The following TNPO1 variants were observed in gnomAD, a reference collection of about 807,000 sequenced individuals.
TNPO1 encodes the protein transportin 1.
TNPO1 carries 8 observed loss-of-function variants against 119.5 expected under a neutral mutation model. That is an observed-to-expected ratio of 0.07 (90% CI 0.04 to 0.12). The LOEUF (loss-of-function observed/expected upper bound fraction) is 0.12, where lower values mean the gene tolerates loss of function less well. TNPO1 is among the 10% of genes least tolerant of loss of function. The pLI is 1.00. For synonymous variants in TNPO1, 362 were observed against 363.0 expected, an observed-to-expected ratio of 1.00 and a Z score of 0.03; for missense variants, 576 against 1,089.8, an observed-to-expected ratio of 0.53 and a Z score of 6.64.
At chr5:72,819,544 C>G (rs1029366841) in intron 1 of TNPO1, among the ~76,000 whole-genome samples, 5 of 152,070 alleles carry the variant, frequency 3.3e-5, no homozygotes, top group African/African-American at 1.2e-4. Context: ...CTGGAATTTT[C>G]TGGAGTAGAT....
chr5:72,902,234 G>C (rs751254484), intron 22 of TNPO1, among the ~76,000 whole-genome samples: 3 of 152,072 alleles, frequency 2.0e-5, no homozygotes, highest in Admixed American at 6.5e-5. Context: ...TTTCCACTCC[G>C]AGAGGGGTGT....
At chr5:72,823,420 C>T (rs971588586) in intron 1 of TNPO1, among the ~76,000 whole-genome samples, 1 of 152,158 alleles carries the variant, frequency 6.6e-6, no homozygotes, top group Non-Finnish European at 1.5e-5. Context: ...CCACTCATTC[C>T]ACAGTGATAC....
chr5:72,891,220 A>C (rs1278621144), intron 14 of TNPO1, among the ~76,000 whole-genome samples: 1 of 151,974 alleles, frequency 6.6e-6, no homozygotes, highest in African/African-American at 2.4e-5. Context: ...TAATCCCAGC[A>C]CTTTGGGAGG....
At chr5:72,840,694 C>CT (rs921187114) in intron 1 of TNPO1, among the ~76,000 whole-genome samples, 2 of 151,954 alleles carry the variant, frequency 1.3e-5, no homozygotes, top group Admixed American at 1.3e-4. Context: ...ATACCACACT[C>CT]TTTTTTTTAA....
chr5:72,864,680 C>T (rs1746748284), intron 5 of TNPO1, among the ~76,000 whole-genome samples: 1 of 152,028 alleles, frequency 6.6e-6, no homozygotes, highest in African/African-American at 2.4e-5. Flanking sequence ...GCCATCTCGG[C>T]CCACTGCACC....
intron 2 of TNPO1, among the ~76,000 whole-genome samples, chr5:72,849,810 T>A (rs1745411897): frequency 6.6e-6 from 1 of 152,202 alleles, no homozygotes; most frequent in Non-Finnish European, 1.5e-5. Flanking sequence ...GTTGTCATAG[T>A]TCTAGGGATG....
intron 22 of TNPO1, among the ~76,000 whole-genome samples, chr5:72,901,928 T>C (rs1288727697): frequency 6.6e-6 from 1 of 151,942 alleles, no homozygotes; most frequent in African/African-American, 2.4e-5. Flanking sequence ...GATAAAAAAT[T>C]AGCCAGGCTT....
intron 13 of TNPO1, among the ~76,000 whole-genome samples, chr5:72,889,428 G>A (rs1350092211): frequency 6.6e-6 from 1 of 152,088 alleles, no homozygotes; most frequent in Non-Finnish European, 1.5e-5. Flanking sequence ...AAGGGAGGGA[G>A]GATATAGATT....
At chr5:72,825,483 C>T (rs1336385940) in intron 1 of TNPO1, among the ~76,000 whole-genome samples, 1 of 152,036 alleles carries the variant, frequency 6.6e-6, no homozygotes, top group Non-Finnish European at 1.5e-5. Flanking sequence ...GTCAGGAGAT[C>T]GAGACCATCC....
In TNPO1 at chr5:72,888,124, C is replaced by T. The variant is rs1748788925; in HGVS notation, c.1350C>T (p.His450=). ...MIPYLPELIP[H]LIQCLSDKKA... is the part of the protein sequence containing the mutation. ...CATACTTGCCTGAGCTTATTCCTCA[C>T]CTTATTCAGTGCCTCTCTGATAAAA... Residue 450 remains histidine, a synonymous_variant, in exon 13 of 25, where the codon CAC becomes CAT. Transcript: ENST00000337273. The T allele has an allele frequency of 1.2e-6, 2 of 1,614,166 alleles. No individual in the cohort carries two copies. Among genetic ancestry groups the T allele is most frequent in the East Asian group, 2.2e-5 (1 of 44,894 alleles).
intron 5 of TNPO1, among the ~76,000 whole-genome samples, chr5:72,862,172 A>ATATG (rs1172908781): frequency 6.6e-6 from 1 of 152,256 alleles, no homozygotes; most frequent in Non-Finnish European, 1.5e-5. Flanking sequence ...TCTTGGATGT[A>ATATG]TATGTATGTA....
chr5:72,906,264 C>CTTTTTT (rs11356390), intron 24 of TNPO1, among the ~76,000 whole-genome samples: 1 of 90,280 alleles, frequency 1.1e-5, no homozygotes, highest in Admixed American at 1.6e-4. Context: ...GTGCCCATCA[C>CTTTTTT]TTTTTTTTTT....
intron 1 of TNPO1, among the ~76,000 whole-genome samples, chr5:72,825,530 A>G (rs1744167010): frequency 1.3e-5 from 2 of 152,140 alleles, no homozygotes; most frequent in Non-Finnish European, 2.9e-5. Flanking sequence ...TACTAAAAAT[A>G]CAAAAAATTA....
chr5:72,866,162 G>A (rs1253578168), intron 6 of TNPO1, among the ~76,000 whole-genome samples: 1 of 152,144 alleles, frequency 6.6e-6, no homozygotes, highest in African/African-American at 2.4e-5. Flanking sequence ...CACCTAGGTG[G>A]TAACCATAGT....
chr5:72,824,081 C>G (rs914311123), intron 1 of TNPO1, among the ~76,000 whole-genome samples: 5 of 152,190 alleles, frequency 3.3e-5, no homozygotes, highest in African/African-American at 1.2e-4. Context: ...AGCATCTGCT[C>G]AGTACATGGC....
chr5:72,835,707 C>T (rs564506504), intron 1 of TNPO1, among the ~76,000 whole-genome samples: 1 of 152,114 alleles, frequency 6.6e-6, no homozygotes, highest in Non-Finnish European at 1.5e-5. Flanking sequence ...CTGCCCCTGG[C>T]CCCCCAAAAT....
Position 72,891,758 on chromosome 5 carries a change from C to T in TNPO1, c.1702-52C>T, listed in dbSNP as rs1460726794. The T allele has an allele frequency of 1.5e-5, 19 of 1,307,738 alleles. No homozygotes were observed. In the South Asian group the frequency reaches 1.8e-4, roughly 12 times the overall value. 81.0% of individuals were successfully genotyped at this position (1,307,738 alleles called of 1,614,324 possible). A position where few individuals can be genotyped will look rare whatever the true frequency, so the allele number is the denominator to read the frequency against. On this transcript the variant is annotated intron_variant, in intron 14 of 24. Transcript: ENST00000337273. ...TTAATTTTCAAAGACTCAAAATGGT[C>T]TTGTTGACATGTGATAGTGGAATTT... is the stretch of plus-strand genomic sequence containing the variant.
At chr5:72,858,626 A>G (rs1746180452) in intron 4 of TNPO1, among the ~76,000 whole-genome samples, 2 of 152,186 alleles carry the variant, frequency 1.3e-5, no homozygotes, top group African/African-American at 2.4e-5. Context: ...TCACGAGGTC[A>G]GGAGATCGAA....
At position 72,823,883 on chromosome 5, in the gene TNPO1, C is replaced by G. The variant is rs140098100; in HGVS notation, c.15+7131C>G. 5.3e-5 allele frequency among the ~76,000 whole-genome samples: 8 copies of G among 152,288 alleles called. No homozygotes were observed. The East Asian group carries it at 1.5e-3, about 29-fold the overall frequency. Reference sequence around the variant, plus strand: ...ACTGTATTTTCCTAGTCTGCTTACTCTTCCACTCCTCTAAATGACTATTTC... The same window carrying G: ...ACTGTATTTTCCTAGTCTGCTTACTGTTCCACTCCTCTAAATGACTATTTC... On this transcript the variant is annotated intron_variant, in intron 1 of 24. Transcript: ENST00000337273.
Sources: allele counts gnomAD v4.1 joint callset (sites outside exome capture counted in the v4.1 genomes callset), GRCh38; gene constraint gnomAD v4.1.1; transcripts MANE v1.5; gene names NCBI Gene and HGNC (gene_info 2026-07-23, HGNC 2026-07-21).